The following RNF175 variants were observed in gnomAD, a reference collection of about 807,000 sequenced individuals.
RNF175 encodes ring finger protein 175.
RNF175 carries 38 observed loss-of-function variants against 50.0 expected under a neutral mutation model. That is an observed-to-expected ratio of 0.76 (90% confidence interval 0.59 to 1.00). The LOEUF (loss-of-function observed/expected upper bound fraction) is 1.00. Ranked by LOEUF, RNF175 falls within the 50% of genes least tolerant of loss-of-function variation. The pLI is 0.00. For synonymous variants in RNF175, 155 were observed against 146.1 expected (o/e 1.06, Z -0.44); for missense variants, 388 against 409.6 (o/e 0.95, Z 0.46).
chr4:153,735,420 T>C (rs1739304352), intron 3 of RNF175, among the ~76,000 whole-genome samples: 2 of 152,218 alleles, frequency 1.3e-5, no homozygotes, highest in African/African-American at 4.8e-5. Flanking sequence ...CATGCTATAT[T>C]TATTACTGTA....
rs1225643951 is a variant in RNF175, at chr4:153,715,480, AAAG to A, written c.764+46_764+48del. ...CAGGAGGAGGAGGAGGAGAAGGAGG[AAAG>A]AAGGAGGCTTGATGAAGCCCAAACA... On this transcript the variant is annotated intron_variant, in intron 7 of 8. Transcript: ENST00000347063. 5 of 1,541,052 alleles carry A rather than the reference AAAG, an allele frequency of 3.2e-6. No individual in the cohort carries two copies. The South Asian group carries it at 4.8e-5, about 15-fold the overall frequency.
chr4:153,715,706 A>G, intron 6 of RNF175, 44 bp from the exon 7 acceptor site: 1 of 1,588,166 alleles, frequency 6.3e-7, no homozygotes, highest in Non-Finnish European at 8.6e-7. Flanking sequence ...AGGAGAGCAC[A>G]TGCCACTCTC....
At chr4:153,735,088 A>G (rs1739282702) in intron 3 of RNF175, among the ~76,000 whole-genome samples, 1 of 152,160 alleles carries the variant, frequency 6.6e-6, no homozygotes, top group Non-Finnish European at 1.5e-5. Context: ...AAAACCCATC[A>G]TCAAATACAA....
intron 6 of RNF175, among the ~76,000 whole-genome samples, chr4:153,717,377 T>G (rs1195115342): frequency 6.6e-6 from 1 of 152,084 alleles, no homozygotes; most frequent in African/African-American, 2.4e-5. Context: ...CTTCAAGGAG[T>G]GCCAGTTCCT....
chr4:153,714,317 A>G (rs909480955), intron 7 of RNF175: 1 of 152,210 alleles, frequency 6.6e-6, no homozygotes, highest in Admixed American at 6.5e-5. Context: ...CATATGGGGT[A>G]TCTTTGTGTT....
At chr4:153,723,321 G>C (rs1738467135) in intron 5 of RNF175, 30 bp downstream of exon 5, 1 of 1,083,798 alleles carries the variant, frequency 9.2e-7, no homozygotes, top group Non-Finnish European at 1.4e-6. Flanking sequence ...AGTGCTTGGA[G>C]ATATTAATGT....
chr4:153,710,532 G>A, intron 8 of RNF175, 43 bp from the exon 9 acceptor site: 1 of 1,581,586 alleles, frequency 6.3e-7, no homozygotes, highest in Non-Finnish European at 8.6e-7. Context: ...CAGCCAAGTA[G>A]CAGAAATATT....
chr4:153,737,838 G>C (rs1207051319), intron 3 of RNF175, among the ~76,000 whole-genome samples: 2 of 152,182 alleles, frequency 1.3e-5, no homozygotes, highest in Non-Finnish European at 2.9e-5. Context: ...GAACTGTTCA[G>C]TCAATTATGT....
chr4:153,715,594 C>T lies in RNF175; in HGVS notation c.699G>A (p.Lys233=). The change falls in exon 7 of 9, where the codon AAG becomes AAA. Residue 233 remains lysine, a synonymous_variant. Coordinates refer to ENST00000347063, the MANE Select transcript of RNF175 (RefSeq NM_173662.4). ...SDNICAVCGQ[K]IIVELDEEGL... is the part of the protein sequence containing the mutation. Reference sequence around the variant, plus strand: ...CTTCTTCATCAAGCTCCACAATGATCTTCTGCCCACAGACTGCACAGATAT... The same window carrying T: ...CTTCTTCATCAAGCTCCACAATGATTTTCTGCCCACAGACTGCACAGATAT... 1 of 1,613,698 alleles carries T rather than the reference C, an allele frequency of 6.2e-7. No individual in the cohort carries two copies. Among genetic ancestry groups the T allele is most frequent in the Non-Finnish European group, 8.5e-7 (1 of 1,179,680 alleles).
intron 3 of RNF175, among the ~76,000 whole-genome samples, chr4:153,734,447 A>G (rs1176438057): frequency 6.6e-6 from 1 of 152,090 alleles, no homozygotes; most frequent in Non-Finnish European, 1.5e-5. Flanking sequence ...TGAGATGATG[A>G]GCTCCTTTTC....
chr4:153,745,878 A>G (rs1739942141), intron 3 of RNF175, among the ~76,000 whole-genome samples: 1 of 152,138 alleles, frequency 6.6e-6, no homozygotes, highest in African/African-American at 2.4e-5. Flanking sequence ...ATTAGGCCCC[A>G]CCTCCCAACA....
chr4:153,721,013 C>T (rs577540557), intron 5 of RNF175, among the ~76,000 whole-genome samples: 14 of 152,288 alleles, frequency 9.2e-5, no homozygotes, highest in African/African-American at 3.1e-4. Context: ...AAAATTGGTA[C>T]ATCACAAAGC....
At chr4:153,748,821 C>T (rs1302075595) in intron 2 of RNF175, 35 bp from the exon 3 acceptor site, 1 of 1,573,718 alleles carries the variant, frequency 6.4e-7, no homozygotes, top group Non-Finnish European at 8.6e-7. Context: ...CTGAAAAAGC[C>T]CTCAACCTTG....
At chr4:153,733,326 T>G (rs1236253356) in intron 3 of RNF175, among the ~76,000 whole-genome samples, 1 of 152,232 alleles carries the variant, frequency 6.6e-6, no homozygotes, top group African/African-American at 2.4e-5. Flanking sequence ...ACATGCAGTA[T>G]ACAAAGCTTT....
chr4:153,750,948 C>A (rs1481423831), intron 2 of RNF175, among the ~76,000 whole-genome samples: 1 of 128,558 alleles, frequency 7.8e-6, no homozygotes, highest in African/African-American at 2.5e-5. Context: ...AATTGGTTAG[C>A]CTATGTTGAA....
chr4:153,728,044 G>T (rs1579059231), intron 4 of RNF175, among the ~76,000 whole-genome samples, 163 bp downstream of exon 4: 1 of 152,244 alleles, frequency 6.6e-6, no homozygotes, highest in East Asian at 1.9e-4. Flanking sequence ...GGCAAACTAA[G>T]ACCAGTGTAG....
chr4:153,722,833 T>C (rs1275534845), intron 5 of RNF175, among the ~76,000 whole-genome samples: 1 of 152,170 alleles, frequency 6.6e-6, no homozygotes, highest in Non-Finnish European at 1.5e-5. Flanking sequence ...ATACTATCAT[T>C]TCAAAATGTA....
chr4:153,718,168 A>G (rs1451982693), intron 6 of RNF175, among the ~76,000 whole-genome samples: 1 of 140,954 alleles, frequency 7.1e-6, no homozygotes, highest in Non-Finnish European at 1.5e-5. Flanking sequence ...GATTCACCCC[A>G]TGGTTTTGGA....
intron 3 of RNF175, among the ~76,000 whole-genome samples, chr4:153,729,038 G>A (rs1738881443): frequency 6.6e-6 from 1 of 152,142 alleles, no homozygotes; most frequent in Admixed American, 6.5e-5. Flanking sequence ...CAGGGAGCAG[G>A]GCAGAGTGAA....
Sources: allele counts gnomAD v4.1 joint callset (sites outside exome capture counted in the v4.1 genomes callset), GRCh38; gene constraint gnomAD v4.1.1; transcripts MANE v1.5; gene names NCBI Gene and HGNC (gene_info 2026-07-23, HGNC 2026-07-21).